KCNK7: variants seen among roughly 807,000 people sequenced by gnomAD.
KCNK7 encodes the protein potassium two pore domain channel subfamily K member 7, also known as potassium channel subfamily K member 7.
A neutral mutation model predicts 18.1 loss-of-function variants in KCNK7; 14 were observed. The observed-to-expected ratio is 0.77, with a 90% CI of 0.51 to 1.21. The LOEUF is 1.21. KCNK7 is among the 50% of genes most tolerant of loss of function. The pLI, the probability that KCNK7 is intolerant of heterozygous loss-of-function variation, is 0.00. For missense variants in KCNK7, 385 were observed against 387.3 expected (o/e 0.99, Z 0.05); for synonymous variants, 188 against 184.7 (o/e 1.02, Z -0.15).
At chr11:65,595,402 G>C in intron 1 of KCNK7, 52 bp downstream of exon 1, 1 of 1,364,192 alleles carries the variant, frequency 7.3e-7, no homozygotes, top group Non-Finnish European at 9.6e-7. Context: ...CCCCCAGGGA[G>C]CCATGGCCTC....
chr11:65,593,982 T>TTTTTAA, intron 1 of KCNK7, 108 bp from the exon 2 acceptor site: 5 of 1,249,956 alleles, frequency 4.0e-6, no homozygotes, highest in Non-Finnish European at 3.2e-6. Context: ...TCTGGTGGCC[T>TTTTTAA]TGAACTGGCC....
Position 65,593,854 on chromosome 11 carries a change from G to C in KCNK7, c.340C>G (p.Leu114Val). 3 of 1,536,614 alleles carry C rather than the reference G, an allele frequency of 2.0e-6. No homozygotes were observed. The highest frequency in any genetic ancestry group is 2.6e-6 in the Non-Finnish European group (3 of 1,142,192). ...TTTGYGHMAP[L>V]SPGGKAFCMV... The stretch of plus-strand genomic sequence containing the variant: ...CAGAAGGCCTTTCCGCCTGGCGATA[G>C]TGGGGCCATGTGGCCATAACCTGGA... The change falls in exon 2 of 3, where the codon CTA becomes GTA. Residue 114 changes from leucine (L) to valine (V), a missense_variant. By Grantham distance (32) the Leu-to-Val change is conservative. Coordinates refer to ENST00000340313, the MANE Select transcript of KCNK7 (RefSeq NM_033347.2).
At position 65,593,542 on chromosome 11, in the gene KCNK7, A is replaced by G. The variant is rs530445339; in HGVS notation, c.652T>C (p.Leu218=). ...SSLSTIGLED[L]LPGRGRSLHP... ...AGGCTGCGGCCGCGGCCGGGCAGCAAGTCCTCCAGGCCAATGGTGCTGAGC... is the reference window on the plus strand; with the variant it reads ...AGGCTGCGGCCGCGGCCGGGCAGCAGGTCCTCCAGGCCAATGGTGCTGAGC... Residue 218 remains leucine, a synonymous_variant, in exon 2 of 3, where the codon TTG becomes CTG. Transcript: ENST00000340313. 3 of 1,611,426 alleles carry G rather than the reference A, an allele frequency of 1.9e-6. No individual in the cohort carries two copies. The African/African-American group carries it at 4.0e-5, about 21-fold the overall frequency.
chr11:65,595,507 G>A lies in KCNK7; in HGVS notation c.266C>T (p.Thr89Ile). 6.5e-7 allele frequency: 1 copy of A among 1,528,530 alleles called. No individual in the cohort carries two copies. The highest frequency in any genetic ancestry group is 1.2e-5 in the South Asian group (1 of 82,524). 94.7% of individuals were successfully genotyped at this position (1,528,530 alleles called of 1,614,324 possible). A position where few individuals can be genotyped will look rare whatever the true frequency, so the allele number is the denominator to read the frequency against. Residue 89 changes from threonine (T) to isoleucine (I), a missense_variant, in exon 1 of 3, where the codon ACC becomes ATC. Coordinates refer to ENST00000340313, the MANE Select transcript of KCNK7 (RefSeq NM_033347.2). ...GAGCAGGGCTGAGGGAAGGTCCCAG[G>A]TCCTGCCCTCTGAGCTGTTGCCCAG... Reference protein sequence around the residue: ...STLGNSSEGRTWDLPSALLFA... With the variant: ...STLGNSSEGRIWDLPSALLFA...
chr11:65,595,071 CT>C (rs1371049493), intron 1 of KCNK7, among the ~76,000 whole-genome samples: 1 of 152,162 alleles, frequency 6.6e-6, no homozygotes, highest in Non-Finnish European at 1.5e-5. Context: ...ACTTCCTCCC[CT>C]ATCTTCCCTC....
In KCNK7 at chr11:65,592,857, G is replaced by A. The variant is rs1858421773; in HGVS notation, c.*148C>T. 5 of 915,206 alleles carry A rather than the reference G, an allele frequency of 5.5e-6. No homozygotes were observed. The highest frequency in any genetic ancestry group is 8.0e-6 in the Non-Finnish European group (5 of 625,584). The allele number at this position is 915,206 out of a possible 1,614,324, so 56.7% of individuals were successfully genotyped here. ...GAAATAGTTGAAAATAGCCGAAGTCGTTGCTCATTTTATGATTAACAGTAT... is the reference window on the plus strand; with the variant it reads ...GAAATAGTTGAAAATAGCCGAAGTCATTGCTCATTTTATGATTAACAGTAT... On this transcript the variant is annotated 3_prime_UTR_variant, in exon 3 of 3. Coordinates refer to ENST00000340313, the MANE Select transcript of KCNK7 (RefSeq NM_033347.2).
In KCNK7 at chr11:65,595,414, T is replaced by G. The variant is rs1225365817; in HGVS notation, c.319+40A>C. The G allele has an allele frequency of 2.9e-6, 4 of 1,388,208 alleles. No individual in the cohort carries two copies. The South Asian group carries it at 7.6e-5, about 26-fold the overall frequency. 86.0% of individuals were successfully genotyped at this position (1,388,208 alleles called of 1,614,324 possible). ...AAGCCCCCAGGGAGCCATGGCCTCT[T>G]GGAGCCGCACCCCCCGACTTGGCTG... On this transcript the variant is annotated intron_variant, in intron 1 of 2. Coordinates refer to ENST00000340313, the MANE Select transcript of KCNK7 (RefSeq NM_033347.2).
At chr11:65,595,120 C>T (rs1854326412) in intron 1 of KCNK7, among the ~76,000 whole-genome samples, 1 of 152,198 alleles carries the variant, frequency 6.6e-6, no homozygotes, top group Non-Finnish European at 1.5e-5. Context: ...ATCTGTCCTT[C>T]CCAGGTTCAT....
intron 1 of KCNK7, among the ~76,000 whole-genome samples, chr11:65,594,160 G>A (rs567876162): frequency 1.3e-5 from 2 of 152,292 alleles, no homozygotes; most frequent in South Asian, 2.1e-4. Context: ...AGATACTCCC[G>A]ATTCCACAGC....
chr11:65,593,286 G>C, intron 2 of KCNK7, 76 bp from the exon 3 acceptor site: 2 of 1,613,524 alleles, frequency 1.2e-6, no homozygotes, highest in Admixed American at 1.7e-5. Context: ...GCAGTGACTT[G>C]CCCTGGCAAC....
chr11:65,595,496 G>T lies in KCNK7; in HGVS notation c.277C>A (p.Pro93Thr). ...NSSEGRTWDL[P>T]SALLFAASIL... ...CTGGCAGCGAAGAGCAGGGCTGAGG[G>T]AAGGTCCCAGGTCCTGCCCTCTGAG... Residue 93 changes from proline to threonine, a missense_variant, in exon 1 of 3, where the codon CCC (proline) becomes ACC (threonine). Coordinates refer to ENST00000340313, the MANE Select transcript of KCNK7 (RefSeq NM_033347.2). 6.7e-7 allele frequency: 1 copy of T among 1,493,578 alleles called. No homozygotes were observed. The highest frequency in any genetic ancestry group is 9.0e-7 in the Non-Finnish European group (1 of 1,110,386). 92.5% of individuals were successfully genotyped at this position (1,493,578 alleles called of 1,614,324 possible). A position where few individuals can be genotyped will look rare whatever the true frequency, so the allele number is the denominator to read the frequency against.
intron 2 of KCNK7, 32 bp downstream of exon 2, chr11:65,593,444 T>A: frequency 6.2e-7 from 1 of 1,613,398 alleles, no homozygotes; most frequent in South Asian, 1.1e-5. Flanking sequence ...TCTTCCCCCT[T>A]CCCCCACACG....
rs1858478305 is a variant in KCNK7, at chr11:65,593,540, C to T, written c.654G>A (p.Leu218=). The change falls in exon 2 of 3, where the codon TTG becomes TTA. Residue 218 remains leucine (L), a synonymous_variant. Transcript: ENST00000340313. ...SSLSTIGLED[L]LPGRGRSLHP... ...GCAGGCTGCGGCCGCGGCCGGGCAGCAAGTCCTCCAGGCCAATGGTGCTGA... is the reference window on the plus strand; with the variant it reads ...GCAGGCTGCGGCCGCGGCCGGGCAGTAAGTCCTCCAGGCCAATGGTGCTGA... 1 of 1,611,314 alleles carries T rather than the reference C, an allele frequency of 6.2e-7. No homozygotes were observed. The highest frequency in any genetic ancestry group is 8.5e-7 in the Non-Finnish European group (1 of 1,180,006).
Position 65,593,167 on chromosome 11 carries a change from C to G in KCNK7, c.762G>C (p.Glu254Asp). ...GGACCTGCGGCAGCTCAGAGAAGGTCTCCACTGCCAGCAGCATGGCCAAGA... is the reference window on the plus strand; with the variant it reads ...GGACCTGCGGCAGCTCAGAGAAGGTGTCCACTGCCAGCAGCATGGCCAAGA... ...LGLLAMLLAV[E>D]TFSELPQVRA... Residue 254 changes from glutamate (E) to aspartate (D), a missense_variant, in exon 3 of 3, where the codon GAG becomes GAC. Glu to Asp is a conservative substitution (Grantham distance 45). Coordinates refer to ENST00000340313, the MANE Select transcript of KCNK7 (RefSeq NM_033347.2). 6.2e-7 allele frequency: 1 copy of G among 1,613,710 alleles called. No homozygotes were observed. The highest frequency in any genetic ancestry group is 8.5e-7 in the Non-Finnish European group (1 of 1,179,832).
In KCNK7 at chr11:65,593,653, T is replaced by A; in HGVS notation, c.541A>T (p.Ser181Cys). The change falls in exon 2 of 3, where the codon AGC becomes TGC. Residue 181 changes from serine (S) to cysteine (C), a missense_variant. Coordinates refer to ENST00000340313, the MANE Select transcript of KCNK7 (RefSeq NM_033347.2). ...ACCAGCGCTGGCAGCAGCACAAAGCTGCTGGCCACCAGCAGTCCCAGTGCA... is the reference window on the plus strand; with the variant it reads ...ACCAGCGCTGGCAGCAGCACAAAGCAGCTGGCCACCAGCAGTCCCAGTGCA... ...AVALGLLVAS[S>C]FVLLPALVLW... is the part of the protein sequence containing the mutation. The A allele has an allele frequency of 6.2e-7, 1 of 1,604,644 alleles. No individual in the cohort carries two copies.
intron 2 of KCNK7, 79 bp from the exon 3 acceptor site, chr11:65,593,289 C>T: frequency 1.2e-6 from 2 of 1,613,508 alleles, no homozygotes; most frequent in Non-Finnish European, 1.7e-6. Context: ...GTGACTTGCC[C>T]TGGCAACTGG....
chr11:65,594,284 AG>A (rs1854303793), intron 1 of KCNK7, among the ~76,000 whole-genome samples: 1 of 152,200 alleles, frequency 6.6e-6, no homozygotes, highest in Admixed American at 6.5e-5. Context: ...GGAGTCGGGC[AG>A]GCAAATCATG....
At position 65,595,586 on chromosome 11, in the gene KCNK7, G is replaced by A. The variant is rs751915008; in HGVS notation, c.187C>T (p.Leu63=). The A allele has an allele frequency of 6.3e-7, 1 of 1,592,940 alleles. No individual in the cohort carries two copies. ...AGGGCAGTGCCCAGCAGCTCTTCCA[G>A]AGCTCCGGGTGGCAGGCAGGCCCTA... The part of the protein sequence containing the change: ...EHRACLPPGA[L]EELLGTALAT... Residue 63 remains leucine, a synonymous_variant, in exon 1 of 3, where the codon CTG becomes TTG. Coordinates refer to ENST00000340313, the MANE Select transcript of KCNK7 (RefSeq NM_033347.2).
In KCNK7 at chr11:65,593,836, C is replaced by G; in HGVS notation, c.358G>C (p.Ala120Pro). 1 of 1,555,032 alleles carries G rather than the reference C, an allele frequency of 6.4e-7. No homozygotes were observed. The highest frequency in any genetic ancestry group is 8.7e-7 in the Non-Finnish European group (1 of 1,150,016). The change falls in exon 2 of 3, where the codon GCC (alanine) becomes CCC (proline). Residue 120 changes from alanine to proline, a missense_variant. Coordinates refer to ENST00000340313, the MANE Select transcript of KCNK7 (RefSeq NM_033347.2). ...HMAPLSPGGKAFCMVYAALGL... is the reference protein window; with the variant it reads ...HMAPLSPGGKPFCMVYAALGL... ...AGGGCTGCATAGACCATGCAGAAGG[C>G]CTTTCCGCCTGGCGATAGTGGGGCC...
Sources: allele counts gnomAD v4.1 joint callset (sites outside exome capture counted in the v4.1 genomes callset), GRCh38; gene constraint gnomAD v4.1.1; transcripts MANE v1.5; gene names NCBI Gene and HGNC (gene_info 2026-07-23, HGNC 2026-07-21).